Variants in SLC35F4 observed in about 807,000 individuals in gnomAD.
The protein encoded by SLC35F4 is solute carrier family 35 member F4.
SLC35F4 carries 24 observed loss-of-function variants against 44.2 expected under a neutral mutation model. The observed-to-expected ratio is 0.54, with a 90% CI of 0.39 to 0.76. The LOEUF (loss-of-function observed/expected upper bound fraction) is 0.76. Ranked by LOEUF, SLC35F4 falls within the 30% of genes least tolerant of loss-of-function variation. The probability of loss-of-function intolerance (pLI) is 0.00; values close to 1 mark genes in which losing one functional copy is unlikely to be tolerated. For synonymous variants in SLC35F4, 238 were observed against 223.6 expected (o/e 1.06, Z -0.57); for missense variants, 562 against 586.1 (o/e 0.96, Z 0.42).
chr14:57,930,890 A>T (rs1205665260), intron 1 of SLC35F4, among the ~76,000 whole-genome samples: 1 of 152,242 alleles, frequency 6.6e-6, no homozygotes, highest in African/African-American at 2.4e-5. Flanking sequence ...TTGAAAAAGG[A>T]AGAGTAATAA....
intron 1 of SLC35F4, among the ~76,000 whole-genome samples, chr14:57,968,711 T>TG (rs1311923293): frequency 1.3e-5 from 2 of 152,098 alleles, no homozygotes; most frequent in South Asian, 2.1e-4. Flanking sequence ...AAGCAGGGCG[T>TG]GGGGGGTGTT....
intron 1 of SLC35F4, among the ~76,000 whole-genome samples, chr14:57,747,566 C>G (rs2076789535): frequency 1.3e-5 from 2 of 152,136 alleles, no homozygotes. Flanking sequence ...CTTGGGCAAT[C>G]TTGCTCCATC....
chr14:57,951,852 G>A (rs1890147758), intron 1 of SLC35F4, among the ~76,000 whole-genome samples: 1 of 152,216 alleles, frequency 6.6e-6, no homozygotes, highest in African/African-American at 2.4e-5. Flanking sequence ...GCGGCTATGG[G>A]CACAGCTTCA....
At chr14:57,727,665 G>A (rs1184066008) in intron 1 of SLC35F4, among the ~76,000 whole-genome samples, 2 of 152,086 alleles carry the variant, frequency 1.3e-5, no homozygotes, top group Non-Finnish European at 2.9e-5. Flanking sequence ...TCATTCAGGA[G>A]AACATTAATT....
chr14:57,720,421 T>C (rs1331401147), intron 1 of SLC35F4, among the ~76,000 whole-genome samples: 1 of 152,202 alleles, frequency 6.6e-6, no homozygotes, highest in Non-Finnish European at 1.5e-5. Flanking sequence ...AGTTCTTTCT[T>C]AAACAATTGT....
At chr14:57,798,707 A>ATGG (rs2078114128) in intron 1 of SLC35F4, among the ~76,000 whole-genome samples, 1 of 152,202 alleles carries the variant, frequency 6.6e-6, no homozygotes, top group African/African-American at 2.4e-5. Context: ...AAATGTGCAC[A>ATGG]TATCTGTTCT....
intron 1 of SLC35F4, among the ~76,000 whole-genome samples, chr14:57,702,642 A>C (rs1041960289): frequency 6.6e-6 from 1 of 152,172 alleles, no homozygotes; most frequent in East Asian, 1.9e-4. Context: ...TCCACCTCTA[A>C]TTTAAACATC....
chr14:57,838,902 C>T (rs551850868), intron 1 of SLC35F4, among the ~76,000 whole-genome samples: 1 of 152,078 alleles, frequency 6.6e-6, no homozygotes, highest in East Asian at 1.9e-4. Context: ...ATGAGAATGG[C>T]ATGAATAAAA....
intron 1 of SLC35F4, among the ~76,000 whole-genome samples, chr14:57,838,792 A>T (rs541523048): frequency 6.6e-6 from 1 of 152,306 alleles, no homozygotes; most frequent in South Asian, 2.1e-4. Flanking sequence ...ATAGGTGTAT[A>T]TAGAGAGGTA....
At position 57,890,074 on chromosome 14, in the gene SLC35F4, A is replaced by G. The variant is rs367686571; in HGVS notation, n.282+91839T>C. Among the ~76,000 whole-genome samples the G allele has an allele frequency of 1.4e-4, 21 of 152,270 alleles. No homozygotes were observed. In the East Asian group the frequency reaches 2.5e-3, roughly 18 times the overall value. On this transcript the variant is annotated intron_variant and non_coding_transcript_variant, in intron 1 of 1. Coordinates refer to the SLC35F4 transcript ENST00000556568. ...CTACCCCCACTGATATTGGACTTCA[A>G]TGTGCAACTCGCTTTGACAAAAAGA... is the stretch of plus-strand genomic sequence containing the variant.
intron 1 of SLC35F4, among the ~76,000 whole-genome samples, chr14:57,874,307 C>A (rs1888353316): frequency 6.6e-6 from 1 of 152,176 alleles, no homozygotes; most frequent in Admixed American, 6.5e-5. Context: ...TTAAGTTCCT[C>A]AAAGGTGGTG....
chr14:57,568,047 G>A (rs2068291023), intron 6 of SLC35F4, among the ~76,000 whole-genome samples: 1 of 152,230 alleles, frequency 6.6e-6, no homozygotes, highest in Non-Finnish European at 1.5e-5. Flanking sequence ...CTTAGGAATA[G>A]GAGCACTGAA....
At chr14:57,619,533 C>T (rs1405796833) in intron 1 of SLC35F4, among the ~76,000 whole-genome samples, 1 of 152,038 alleles carries the variant, frequency 6.6e-6, no homozygotes, top group Admixed American at 6.6e-5. Flanking sequence ...AGACCCCATG[C>T]CAAGGTCACT....
chr14:57,640,072 A>G (rs1177176935), intron 1 of SLC35F4, among the ~76,000 whole-genome samples: 1 of 151,972 alleles, frequency 6.6e-6, no homozygotes, highest in African/African-American at 2.4e-5. Context: ...CTTATATCCT[A>G]TAATAAATGA....
chr14:57,657,429 G>T (rs1182485781), intron 1 of SLC35F4, among the ~76,000 whole-genome samples: 1 of 152,126 alleles, frequency 6.6e-6, no homozygotes, highest in Non-Finnish European at 1.5e-5. Flanking sequence ...AACTTCCTAT[G>T]TCAGCCCAGC....
intron 1 of SLC35F4, among the ~76,000 whole-genome samples, chr14:57,965,776 AG>A (rs1314553915): frequency 2.0e-5 from 3 of 152,202 alleles, no homozygotes; most frequent in African/African-American, 7.2e-5. Context: ...AACAAAGAGT[AG>A]GTCCATAAAC....
At chr14:57,734,050 A>G (rs2076408922) in intron 1 of SLC35F4, among the ~76,000 whole-genome samples, 1 of 152,200 alleles carries the variant, frequency 6.6e-6, no homozygotes, top group African/African-American at 2.4e-5. Context: ...CATGTAGCGT[A>G]AGGAAAGTCT....
At chr14:57,762,414 A>AT (rs981963451) in intron 1 of SLC35F4, among the ~76,000 whole-genome samples, 3 of 152,062 alleles carry the variant, frequency 2.0e-5, no homozygotes, top group African/African-American at 2.4e-5. Flanking sequence ...TAGCAGGCTG[A>AT]TTTTTCTAGG....
At chr14:57,822,216 C>A (rs1883246529) in intron 1 of SLC35F4, among the ~76,000 whole-genome samples, 1 of 152,166 alleles carries the variant, frequency 6.6e-6, no homozygotes, top group South Asian at 2.1e-4. Flanking sequence ...TGTGTAGTTA[C>A]CTGACTAGAG....
Sources: gnomAD v4.1 joint callset for allele counts (sites outside exome capture counted in the v4.1 genomes callset) on GRCh38, gnomAD v4.1.1 for gene constraint, MANE v1.5 for transcripts, NCBI Gene and HGNC (gene_info 2026-07-23, HGNC 2026-07-21) for gene names.